Variants in OPHN1 observed in about 807,000 individuals in gnomAD.
The protein encoded by OPHN1 is oligophrenin 1.
A neutral mutation model predicts 60.7 loss-of-function variants in OPHN1; 11 were observed. The ratio of observed to expected loss-of-function variants is 0.18; its 90% confidence interval spans 0.11 to 0.30. The LOEUF (loss-of-function observed/expected upper bound fraction) is 0.30. Ranked by LOEUF, OPHN1 falls within the 10% of genes least tolerant of loss-of-function variation. The probability of loss-of-function intolerance (pLI) is 1.00; values close to 1 mark genes in which losing one functional copy is unlikely to be tolerated. For missense variants in OPHN1, 449 were observed against 611.0 expected, an observed-to-expected ratio of 0.73 and a Z score of 2.80; for synonymous variants, 226 against 222.6, an observed-to-expected ratio of 1.02 and a Z score of -0.14.
intron 6 of OPHN1, among the ~76,000 whole-genome samples, chrX:68,214,704 A>G (rs1002583730): frequency 1.8e-5 from 2 of 112,441 alleles, no homozygotes; most frequent in African/African-American, 6.5e-5. Flanking sequence ...TTGTAGAAAT[A>G]TAAGACTGTA....
intron 23 of OPHN1, among the ~76,000 whole-genome samples, chrX:68,052,289 CAAA>C (rs72307579): frequency 4.9e-5 from 3 of 61,242 alleles, no homozygotes; most frequent in Non-Finnish European, 6.5e-5. Context: ...GACACCATCT[CAAA>C]AAAAAAAAAA....
chrX:68,167,934 G>A (rs899527467), intron 15 of OPHN1, among the ~76,000 whole-genome samples: 2 of 110,884 alleles, frequency 1.8e-5, no homozygotes, highest in African/African-American at 6.6e-5. Flanking sequence ...CAACCTGGAT[G>A]GAACTGGAGA....
intron 5 of OPHN1, among the ~76,000 whole-genome samples, chrX:68,269,417 C>G (rs1324454252): frequency 9.0e-6 from 1 of 110,956 alleles, no homozygotes; most frequent in African/African-American, 3.3e-5. Flanking sequence ...AGAACAGAGC[C>G]CTCAGAAATA....
chrX:68,196,559 TG>T (rs1298158850), intron 12 of OPHN1, among the ~76,000 whole-genome samples: 1 of 111,974 alleles, frequency 8.9e-6, no homozygotes, highest in Non-Finnish European at 1.9e-5. Context: ...GAAACCAGAA[TG>T]TTTTTCAATT....
At chrX:68,328,590 A>G (rs2078279789) in intron 2 of OPHN1, among the ~76,000 whole-genome samples, 1 of 112,341 alleles carries the variant, frequency 8.9e-6, no homozygotes, top group Non-Finnish European at 1.9e-5. Flanking sequence ...AATAAAATGA[A>G]AGGAGGATAA....
chrX:68,131,941 A>C (rs2077196473), intron 15 of OPHN1, among the ~76,000 whole-genome samples: 1 of 112,760 alleles, frequency 8.9e-6, no homozygotes, highest in Admixed American at 9.4e-5. Flanking sequence ...CCGCATGGAA[A>C]ATTATAAGCT....
intron 15 of OPHN1, among the ~76,000 whole-genome samples, chrX:68,141,110 C>T (rs1323927948): frequency 1.8e-5 from 2 of 111,645 alleles, no homozygotes; most frequent in Non-Finnish European, 3.8e-5. Flanking sequence ...TAACACTTGG[C>T]CATCCACAGA....
intron 6 of OPHN1, among the ~76,000 whole-genome samples, chrX:68,226,895 G>A (rs946585131): frequency 4.5e-5 from 5 of 111,628 alleles, no homozygotes; most frequent in African/African-American, 1.3e-4. Context: ...AACCTTAAAT[G>A]TAAATGGGCT....
chrX:68,242,289 G>A (rs977732783), intron 5 of OPHN1, among the ~76,000 whole-genome samples: 3 of 108,834 alleles, frequency 2.8e-5, no homozygotes, highest in African/African-American at 1.0e-4. Flanking sequence ...AAGCTGAGGC[G>A]GGAGGATCTC....
intron 15 of OPHN1, among the ~76,000 whole-genome samples, chrX:68,187,830 T>C (rs1003396266): frequency 1.7e-4 from 19 of 111,686 alleles, no homozygotes; most frequent in Non-Finnish European, 3.8e-5. Context: ...GGTTTCACCA[T>C]GTTAGCCAGG....
Position 68,073,176 on chromosome X carries a change from T to C in OPHN1, c.1810A>G (p.Thr604Ala). The C allele has an allele frequency of 8.3e-7, 1 of 1,209,859 alleles. No homozygotes were observed. Among genetic ancestry groups the C allele is most frequent in the Non-Finnish European group, 1.1e-6 (1 of 894,546 alleles). The stretch of plus-strand genomic sequence containing the variant: ...CCTTCGCTTTCATCCAGGGAAGAAG[T>C]ATAGAAAACCGTCCTTTCTCGCAGC... Reference protein sequence around the residue: ...RLLRERTVFYTSSLDESEDEI... With the variant: ...RLLRERTVFYASSLDESEDEI... Residue 604 changes from threonine (T) to alanine (A), a missense_variant, in exon 20 of 25, where the codon ACT (threonine) becomes GCT (alanine). This residue lies in a region of OPHN1 where 184 missense variants were observed against 160.5 expected (regional missense o/e 1.15). Transcript: ENST00000355520.
chrX:68,256,551 C>T (rs2077864607), intron 5 of OPHN1, among the ~76,000 whole-genome samples: 1 of 111,335 alleles, frequency 9.0e-6, no homozygotes, highest in Non-Finnish European at 1.9e-5. Flanking sequence ...TTATGCTTTG[C>T]TTTATTATGC....
At chrX:68,352,933 G>A (rs1386070996) in intron 2 of OPHN1, among the ~76,000 whole-genome samples, 4 of 109,597 alleles carry the variant, frequency 3.6e-5, no homozygotes, top group African/African-American at 1.3e-4. Context: ...CGAGTGGATT[G>A]CTGAGCCCAG....
intron 10 of OPHN1, among the ~76,000 whole-genome samples, chrX:68,203,545 A>G (rs1370278954): frequency 9.0e-6 from 1 of 111,384 alleles, no homozygotes; most frequent in Non-Finnish European, 1.9e-5. Flanking sequence ...GATGTCACAC[A>G]TTAGTCTTTC....
intron 15 of OPHN1, among the ~76,000 whole-genome samples, chrX:68,128,718 T>G (rs2147456800): frequency 8.9e-6 from 1 of 112,285 alleles, no homozygotes; most frequent in South Asian, 3.7e-4. Flanking sequence ...TGGAATGTGA[T>G]AAAATAATTC....
At chrX:68,399,417 G>A (rs892788336) in intron 2 of OPHN1, among the ~76,000 whole-genome samples, 30 of 112,122 alleles carry the variant, frequency 2.7e-4, no homozygotes, top group African/African-American at 9.7e-4. Flanking sequence ...TTGGGAGGCT[G>A]AGGTGGGCGG....
chrX:68,339,302 A>T (rs1357459083), intron 2 of OPHN1, among the ~76,000 whole-genome samples: 1 of 109,762 alleles, frequency 9.1e-6, no homozygotes, highest in Non-Finnish European at 1.9e-5. Context: ...CACAACAGCT[A>T]ACCTCATACT....
At chrX:68,214,613 C>A (rs748387399) in intron 6 of OPHN1, among the ~76,000 whole-genome samples, 4 of 111,950 alleles carry the variant, frequency 3.6e-5, no homozygotes, top group Non-Finnish European at 7.5e-5. Flanking sequence ...CAACAATGAA[C>A]TACAAGGCAT....
At chrX:68,345,362 AAGG>A (rs1480687389) in intron 2 of OPHN1, among the ~76,000 whole-genome samples, 1 of 112,127 alleles carries the variant, frequency 8.9e-6, no homozygotes, top group African/African-American at 3.2e-5. Context: ...AATAATTTGA[AAGG>A]AGATTAAAAA....
Sources: allele counts gnomAD v4.1 joint callset (sites outside exome capture counted in the v4.1 genomes callset), GRCh38; gene constraint gnomAD v4.1.1; regional missense constraint gnomAD v4.1.1; transcripts MANE v1.5; gene names NCBI Gene and HGNC (gene_info 2026-07-23, HGNC 2026-07-21).